The following AKAP13 variants were observed in gnomAD, a reference collection of about 807,000 sequenced individuals.
The protein encoded by AKAP13 is A-kinase anchoring protein 13, also known as A-kinase anchor protein 13.
In AKAP13, 80 loss-of-function variants were observed where a neutral mutation model predicts 264.5. The ratio of observed to expected loss-of-function variants is 0.30; its 90% CI spans 0.25 to 0.36. AKAP13 has a LOEUF of 0.36. Ranked by LOEUF, AKAP13 falls within the 10% of genes least tolerant of loss-of-function variation. The pLI is 1.00. For missense variants in AKAP13, 3,712 were observed against 3,435.2 expected, an observed-to-expected ratio of 1.08 and a Z score of -2.01; for synonymous variants, 1,380 against 1,250.2, an observed-to-expected ratio of 1.10 and a Z score of -2.19.
intron 1 of AKAP13, among the ~76,000 whole-genome samples, chr15:85,426,799 CTGA>C (rs1567050709): frequency 1.3e-5 from 2 of 152,244 alleles, no homozygotes; most frequent in African/African-American, 4.8e-5. Flanking sequence ...AATGTATTTT[CTGA>C]TGATATCCTT....
intron 8 of AKAP13, among the ~76,000 whole-genome samples, chr15:85,630,512 A>G (rs2151445119): frequency 6.6e-6 from 1 of 152,308 alleles, no homozygotes; most frequent in East Asian, 1.9e-4. Context: ...CACATCTCAC[A>G]TGTAAGCTGT....
chr15:85,507,317 A>G (rs2076258588), intron 2 of AKAP13, among the ~76,000 whole-genome samples: 1 of 151,838 alleles, frequency 6.6e-6, no homozygotes, highest in South Asian at 2.1e-4. Flanking sequence ...TTTTGTAAAT[A>G]AAGTTTTGTT....
intron 31 of AKAP13, among the ~76,000 whole-genome samples, 198 bp downstream of exon 31, chr15:85,735,348 T>C (rs558449679): frequency 1.3e-5 from 2 of 152,200 alleles, no homozygotes; most frequent in African/African-American, 4.8e-5. Flanking sequence ...AGATCTCAGC[T>C]AAAAGAGTAA....
At chr15:85,598,868 A>G (rs1031398362) in intron 8 of AKAP13, among the ~76,000 whole-genome samples, 2 of 152,162 alleles carry the variant, frequency 1.3e-5, no homozygotes, top group African/African-American at 4.8e-5. Flanking sequence ...CACTCAAAGG[A>G]TTTTCCCTGT....
intron 8 of AKAP13, chr15:85,635,090 G>T: frequency 2.5e-6 from 1 of 398,180 alleles, no homozygotes; most frequent in South Asian, 1.3e-4. Context: ...TAAATGAATG[G>T]AATGCTATGT....
intron 23 of AKAP13, among the ~76,000 whole-genome samples, chr15:85,721,071 T>C (rs1053967463): frequency 1.3e-5 from 2 of 152,246 alleles, no homozygotes; most frequent in African/African-American, 2.4e-5. Context: ...ATCTAACTTT[T>C]ACTTTCTCTA....
intron 1 of AKAP13, among the ~76,000 whole-genome samples, chr15:85,483,127 C>T (rs898402209): frequency 2.0e-4 from 30 of 152,182 alleles, no homozygotes; most frequent in East Asian, 1.9e-4. Context: ...TCCAGTGTGG[C>T]GGGAACCATT....
chr15:85,578,944 G>A lies in AKAP13; in HGVS notation c.876G>A (p.Lys292=), dbSNP rs1005944683. Residue 292 remains lysine, a synonymous_variant, in exon 7 of 37, where the codon AAG becomes AAA. Transcript: ENST00000394518. ...IQQQLMKTNL[K]QMDSLMPLMM... is the part of the protein sequence containing the mutation. ...TTTCCTCCTAGAAAACAAACCTCAA[G>A]CAGATGGACAGTCTTATGCCCTTAA... 6.2e-7 allele frequency: 1 copy of A among 1,607,876 alleles called. No homozygotes were observed. Among genetic ancestry groups the A allele is most frequent in the Non-Finnish European group, 8.5e-7 (1 of 1,175,356 alleles).
At chr15:85,721,856 T>G (rs2087308798) in intron 23 of AKAP13, 135 bp from the exon 24 acceptor site, 1 of 1,406,356 alleles carries the variant, frequency 7.1e-7, no homozygotes, top group East Asian at 2.4e-5. Context: ...CCAAAGCTGC[T>G]GCACCATTTC....
rs954056028 is a variant in AKAP13 at position 85,507,922 on chromosome 15, G to A, written c.34-13506G>A. Reference sequence around the variant, plus strand: ...TCTTCTGAGACTTGCCCATGAGGGCGTGGCAGGAATGGGGGCCATGGATCC... The same window carrying A: ...TCTTCTGAGACTTGCCCATGAGGGCATGGCAGGAATGGGGGCCATGGATCC... On this transcript the variant is annotated intron_variant, in intron 2 of 36. Transcript: ENST00000394518. 5.3e-5 allele frequency among the ~76,000 whole-genome samples: 8 copies of A among 152,206 alleles called. No homozygotes were observed. In the East Asian group the frequency reaches 5.8e-4, roughly 11 times the overall value.
intron 1 of AKAP13, among the ~76,000 whole-genome samples, chr15:85,481,203 C>G (rs528914529): frequency 6.6e-6 from 1 of 152,186 alleles, no homozygotes; most frequent in African/African-American, 2.4e-5. Flanking sequence ...TTACATAGTT[C>G]TTTGCAGCAG....
Position 85,718,274 on chromosome 15 carries a change from AT to A in AKAP13, c.6001+118del. The A allele has an allele frequency of 7.7e-7, 1 of 1,294,572 alleles. No individual in the cohort carries two copies. Among genetic ancestry groups the A allele is most frequent in the African/African-American group, 1.5e-5 (1 of 66,900 alleles). 80.2% of individuals were successfully genotyped at this position (1,294,572 alleles called of 1,614,324 possible). A position where few individuals can be genotyped will look rare whatever the true frequency, so the allele number is the denominator to read the frequency against. The stretch of plus-strand genomic sequence containing the variant: ...TTTTAGTATGTGGCTTCTTGAAAAG[AT>A]TTCCTTTAAAAACTTTAAGGTACAG... On this transcript the variant is annotated intron_variant, in intron 22 of 36. Transcript: ENST00000394518. The surrounding 1 kb of genome is among the most constrained non-coding windows in gnomAD (Gnocchi z 4.9).
intron 21 of AKAP13, 123 bp from the exon 22 acceptor site, chr15:85,717,884 C>T: frequency 1.1e-6 from 1 of 927,746 alleles, no homozygotes; most frequent in Non-Finnish European, 1.6e-6. Context: ...AATATGATCT[C>T]TGTGAATATC....
At chr15:85,425,072 G>C (rs185329973) in intron 1 of AKAP13, among the ~76,000 whole-genome samples, 1 of 152,246 alleles carries the variant, frequency 6.6e-6, no homozygotes. Context: ...GAAGATGTTC[G>C]AAATATTGTG....
At chr15:85,405,540 A>G (rs111802056) in intron 1 of AKAP13, among the ~76,000 whole-genome samples, 28 of 152,330 alleles carry the variant, frequency 1.8e-4, no homozygotes, top group African/African-American at 5.1e-4. Flanking sequence ...AGTGCTTACT[A>G]TGTGCTAGAT....
chr15:85,690,890 A>T, intron 16 of AKAP13, among the ~76,000 whole-genome samples: 1 of 152,286 alleles, frequency 6.6e-6, no homozygotes, highest in Admixed American at 6.5e-5. Flanking sequence ...CTAAGCTTCA[A>T]TCTCTTCAGA....
chr15:85,648,035 T>A (rs1044241478), intron 10 of AKAP13, among the ~76,000 whole-genome samples: 9 of 152,066 alleles, frequency 5.9e-5, no homozygotes, highest in Admixed American at 6.5e-5. Flanking sequence ...ATTTTTTTTT[T>A]AATAATATCA....
chr15:85,413,527 G>A (rs185985000), intron 1 of AKAP13, among the ~76,000 whole-genome samples: 135 of 152,340 alleles, frequency 8.9e-4, no homozygotes, highest in Admixed American at 2.8e-3. Context: ...AGGTGAAGGT[G>A]AAGAGAATAG....
At chr15:85,465,617 C>T (rs1428155404) in intron 1 of AKAP13, among the ~76,000 whole-genome samples, 1 of 150,434 alleles carries the variant, frequency 6.6e-6, no homozygotes, top group African/African-American at 2.5e-5. Flanking sequence ...TTTTTTTGTC[C>T]TTGTGATAGT....
Sources: gnomAD v4.1 joint callset for allele counts (sites outside exome capture counted in the v4.1 genomes callset) on GRCh38, gnomAD v4.1.1 for gene constraint, Gnocchi (gnomAD v3.1) non-coding constraint, MANE v1.5 for transcripts, NCBI Gene and HGNC (gene_info 2026-07-23, HGNC 2026-07-21) for gene names.